FMN1: variants seen among roughly 807,000 people sequenced by gnomAD.
FMN1 encodes the protein formin-1.
Under a neutral mutation model 132.4 loss-of-function variants are expected in FMN1, and 110 were observed. The ratio of observed to expected loss-of-function variants is 0.83; its 90% CI spans 0.71 to 0.97. The LOEUF (loss-of-function observed/expected upper bound fraction) is 0.97, where lower values mean the gene tolerates loss of function less well. Ranked by LOEUF, FMN1 falls within the 50% of genes least tolerant of loss-of-function variation. The pLI, the probability that FMN1 is intolerant of heterozygous loss-of-function variation, is 0.00. For missense variants in FMN1, 1,792 were observed against 1,705.3 expected (o/e 1.05, Z -0.90); for synonymous variants, 722 against 651.7 (o/e 1.11, Z -1.64).
At chr15:33,100,838 C>T (rs545519300) in intron 4 of FMN1, among the ~76,000 whole-genome samples, 37 of 152,230 alleles carry the variant, frequency 2.4e-4, no homozygotes, top group African/African-American at 8.4e-4. Flanking sequence ...GGAAACAAAA[C>T]ACCATCGATT....
intron 6 of FMN1, among the ~76,000 whole-genome samples, chr15:33,025,984 G>T (rs1220145724): frequency 6.6e-6 from 1 of 152,032 alleles, no homozygotes; most frequent in African/African-American, 2.4e-5. Flanking sequence ...TGTAAGAATT[G>T]GAAAAGAAGA....
At chr15:32,981,449 C>T (rs1254965904) in intron 7 of FMN1, among the ~76,000 whole-genome samples, 2 of 151,018 alleles carry the variant, frequency 1.3e-5, no homozygotes, top group Admixed American at 6.6e-5. Context: ...ACCCAGGAGG[C>T]GGAGCCTGCA....
At chr15:33,144,542 GC>G (rs1250265553) in intron 4 of FMN1, among the ~76,000 whole-genome samples, 1 of 151,652 alleles carries the variant, frequency 6.6e-6, no homozygotes, top group Non-Finnish European at 1.5e-5. Context: ...GGAGGCTGAG[GC>G]AGGAGAATGG....
At chr15:33,012,319 G>A in intron 6 of FMN1, 1 of 795,974 alleles carries the variant, frequency 1.3e-6, no homozygotes, top group Non-Finnish European at 2.2e-6. Context: ...CCGTGGAGGA[G>A]GCAGATGCAG....
At chr15:33,192,679 T>C (rs1178945219) in intron 2 of FMN1, among the ~76,000 whole-genome samples, 1 of 152,196 alleles carries the variant, frequency 6.6e-6, no homozygotes, top group African/African-American at 2.4e-5. Flanking sequence ...AAGACTACCA[T>C]ACCCCATTTG....
intron 4 of FMN1, among the ~76,000 whole-genome samples, chr15:33,145,762 C>T (rs1444794655): frequency 6.6e-6 from 1 of 151,726 alleles, no homozygotes; most frequent in Non-Finnish European, 1.5e-5. Flanking sequence ...CTAGGGAGAA[C>T]ATAGCTGAGG....
At chr15:32,992,578 G>A (rs1460078815) in intron 7 of FMN1, among the ~76,000 whole-genome samples, 2 of 152,108 alleles carry the variant, frequency 1.3e-5, no homozygotes, top group African/African-American at 2.4e-5. Flanking sequence ...GTATCTGTGG[G>A]AGAAATAAAG....
chr15:32,868,541 A>G (rs887560017), intron 16 of FMN1, among the ~76,000 whole-genome samples: 3 of 152,204 alleles, frequency 2.0e-5, no homozygotes, highest in African/African-American at 2.4e-5. Context: ...CTCAGAACAT[A>G]TCCCAGTTGT....
chr15:32,890,108 C>T (rs921304575), intron 15 of FMN1, among the ~76,000 whole-genome samples: 2 of 151,778 alleles, frequency 1.3e-5, no homozygotes, highest in African/African-American at 2.4e-5. Flanking sequence ...TAATTCATTC[C>T]TTTTTATGGC....
intron 19 of FMN1, among the ~76,000 whole-genome samples, chr15:32,784,869 C>G (rs2056799006): frequency 6.6e-6 from 1 of 152,108 alleles, no homozygotes; most frequent in Admixed American, 6.5e-5. Flanking sequence ...CTTGAGTTCC[C>G]TGATTTCTGC....
At chr15:32,859,873 A>G (rs1189418512) in intron 16 of FMN1, among the ~76,000 whole-genome samples, 2 of 152,082 alleles carry the variant, frequency 1.3e-5, no homozygotes, top group East Asian at 1.9e-4. Context: ...TTGTCTCTCA[A>G]AAAAAATTTT....
At chr15:33,032,048 G>A (rs954356763) in intron 6 of FMN1, among the ~76,000 whole-genome samples, 2 of 152,182 alleles carry the variant, frequency 1.3e-5, no homozygotes, top group Non-Finnish European at 2.9e-5. Flanking sequence ...TAGAACTGTT[G>A]CTAATATTAA....
chr15:33,080,828 G>A (rs756406335), intron 5 of FMN1, among the ~76,000 whole-genome samples: 7 of 151,846 alleles, frequency 4.6e-5, no homozygotes, highest in African/African-American at 7.3e-5. Flanking sequence ...CGGAGGTTGC[G>A]GTGAGCTGAG....
chr15:33,045,140 G>A (rs1388482302), intron 6 of FMN1, among the ~76,000 whole-genome samples: 2 of 152,234 alleles, frequency 1.3e-5, no homozygotes, highest in Non-Finnish European at 2.9e-5. Context: ...CCTGATGCCA[G>A]CCGTGGAAGC....
In FMN1 at chr15:33,067,230, C is replaced by T. The variant is rs370387950; in HGVS notation, c.2044-2156G>A. ...TCTGTCTGAAGACCACCGTTGCCAG[C>T]TTCCAGTTTGCTGCTCATCTCAGGT... On this transcript the variant is annotated intron_variant, in intron 5 of 20. Transcript: ENST00000616417. The T allele has an allele frequency of 4.0e-5, 64 of 1,613,430 alleles. No individual in the cohort carries two copies. Among genetic ancestry groups the T allele is most frequent in the South Asian group, 3.0e-4 (27 of 91,074 alleles).
chr15:32,780,748 G>A (rs534916754), intron 19 of FMN1, among the ~76,000 whole-genome samples: 1 of 152,240 alleles, frequency 6.6e-6, no homozygotes, highest in Admixed American at 6.5e-5. Flanking sequence ...TGACCCAAAG[G>A]CTAGCTTTGG....
intron 19 of FMN1, among the ~76,000 whole-genome samples, chr15:32,795,511 T>C (rs573901247): frequency 2.0e-5 from 3 of 150,776 alleles, no homozygotes; most frequent in Non-Finnish European, 2.9e-5. Context: ...TTCATCCTGA[T>C]ACATACATTT....
At chr15:32,940,610 T>C (rs2061381419) in intron 9 of FMN1, among the ~76,000 whole-genome samples, 1 of 152,170 alleles carries the variant, frequency 6.6e-6, no homozygotes, top group African/African-American at 2.4e-5. Context: ...TGGCTGTTTC[T>C]AGCACAATCT....
At chr15:32,820,884 C>G (rs2058194233) in intron 17 of FMN1, among the ~76,000 whole-genome samples, 1 of 152,030 alleles carries the variant, frequency 6.6e-6, no homozygotes, top group African/African-American at 2.4e-5. Context: ...AAATTTAAAT[C>G]TGAAACAGTC....
Sources: gnomAD v4.1 joint callset for allele counts (sites outside exome capture counted in the v4.1 genomes callset) on GRCh38, gnomAD v4.1.1 for gene constraint, MANE v1.5 for transcripts, NCBI Gene and HGNC (gene_info 2026-07-23, HGNC 2026-07-21) for gene names.